MMP26: variants seen among roughly 807,000 people sequenced by gnomAD.
The protein encoded by MMP26 is matrix metallopeptidase 26, also known as matrix metalloproteinase-26.
A neutral mutation model predicts 31.0 loss-of-function variants in MMP26; 33 were observed. That is an observed-to-expected ratio of 1.06 (90% CI 0.81 to 1.42). The LOEUF (loss-of-function observed/expected upper bound fraction) is 1.42, where lower values mean the gene tolerates loss of function less well. Among genes scored for constraint, MMP26 ranks in the 40% most tolerant of loss-of-function variants. MMP26 has a pLI of 0.00. For missense variants in MMP26, 347 were observed against 316.1 expected, an observed-to-expected ratio of 1.10 and a Z score of -0.74; for synonymous variants, 122 against 114.9, an observed-to-expected ratio of 1.06 and a Z score of -0.40.
At chr11:4,811,431 C>T (rs1849348557) in intron 2 of MMP26, among the ~76,000 whole-genome samples, 1 of 152,176 alleles carries the variant, frequency 6.6e-6, no homozygotes, top group African/African-American at 2.4e-5. Flanking sequence ...GTTTAGCTTT[C>T]ACTTGTAAAT....
At chr11:4,907,900 A>C (rs751516807) in intron 2 of MMP26, 7 of 1,613,964 alleles carry the variant, frequency 4.3e-6, no homozygotes, top group Non-Finnish European at 5.9e-6. Context: ...TTTCTCACTC[A>C]TACTGTCTTC....
intron 2 of MMP26, among the ~76,000 whole-genome samples, chr11:4,895,400 T>C (rs1259341753): frequency 1.3e-5 from 2 of 152,184 alleles, no homozygotes; most frequent in East Asian, 3.8e-4. Flanking sequence ...GCTAGAATCC[T>C]GTTATCTATG....
chr11:4,740,923 T>A (rs1172763306), intron 1 of MMP26, among the ~76,000 whole-genome samples: 1 of 152,180 alleles, frequency 6.6e-6, no homozygotes, highest in Admixed American at 6.5e-5. Context: ...CTTGCCAAGA[T>A]GTATTGAAAG....
At chr11:4,845,424 C>T (rs762002266) in intron 2 of MMP26, among the ~76,000 whole-genome samples, 1 of 151,984 alleles carries the variant, frequency 6.6e-6, no homozygotes, top group African/African-American at 2.4e-5. Flanking sequence ...TTGTATGGAA[C>T]CATAAAATAA....
chr11:4,771,956 A>G (rs960284986), intron 2 of MMP26, among the ~76,000 whole-genome samples: 1 of 152,220 alleles, frequency 6.6e-6, no homozygotes, highest in African/African-American at 2.4e-5. Context: ...AAATATATCT[A>G]TCTCCCTTCT....
chr11:4,770,474 A>G (rs1256059053), intron 2 of MMP26, among the ~76,000 whole-genome samples: 1 of 152,218 alleles, frequency 6.6e-6, no homozygotes, highest in Non-Finnish European at 1.5e-5. Context: ...GAGAAAAACA[A>G]TGAGGACAGA....
intron 2 of MMP26, among the ~76,000 whole-genome samples, chr11:4,925,948 A>G (rs984831347): frequency 3.3e-5 from 5 of 152,142 alleles, no homozygotes; most frequent in East Asian, 1.9e-4. Context: ...AAAAGTTTAT[A>G]TTCTGTGCCA....
chr11:4,755,733 A>C (rs945165139), intron 1 of MMP26, among the ~76,000 whole-genome samples: 1 of 152,084 alleles, frequency 6.6e-6, no homozygotes, highest in Non-Finnish European at 1.5e-5. Flanking sequence ...TGGAAATTAT[A>C]CCAGAAACTG....
intron 1 of MMP26, among the ~76,000 whole-genome samples, chr11:4,740,648 A>G (rs1373215266): frequency 6.6e-6 from 1 of 150,720 alleles, no homozygotes; most frequent in Admixed American, 6.6e-5. Flanking sequence ...GCACCACTGC[A>G]CTCCAGCCTG....
At chr11:4,942,722 G>A (rs1201839115) in intron 2 of MMP26, 2 of 152,100 alleles carry the variant, frequency 1.3e-5, no homozygotes, top group African/African-American at 4.8e-5. Context: ...AACAAAAGGA[G>A]AAATTTTTCT....
chr11:4,819,024 G>A (rs931507900), intron 2 of MMP26, among the ~76,000 whole-genome samples: 4 of 152,048 alleles, frequency 2.6e-5, no homozygotes, highest in African/African-American at 7.2e-5. Flanking sequence ...GAGAATACAG[G>A]ATAACTCCTA....
At chr11:4,881,140 A>G (rs1265202476) in intron 2 of MMP26, among the ~76,000 whole-genome samples, 2 of 152,128 alleles carry the variant, frequency 1.3e-5, no homozygotes, top group African/African-American at 4.8e-5. Context: ...ACTTTGACCT[A>G]CCACTGGCTC....
In MMP26 at chr11:4,915,590, A is replaced by G. The variant is rs1478296993; in HGVS notation, c.-144-72478A>G. On this transcript the variant is annotated intron_variant, in intron 2 of 7. Transcript: ENST00000380390. ...GGAGATCCAGATGTGCATGCGCTCC[A>G]GCCCAGGGATGCCACTCAGCAGGAA... The G allele has an allele frequency of 1.9e-6, 3 of 1,614,000 alleles. No homozygotes were observed. The South Asian group carries it at 3.3e-5, about 18-fold the overall frequency.
At chr11:4,918,136 AAG>A (rs1220754695) in intron 2 of MMP26, among the ~76,000 whole-genome samples, 2 of 152,040 alleles carry the variant, frequency 1.3e-5, no homozygotes, top group Non-Finnish European at 2.9e-5. Context: ...CAAATGAGGA[AAG>A]AGAGGCTTAG....
At position 4,841,984 on chromosome 11, in the gene MMP26, A is replaced by G. The variant is rs372005544; in HGVS notation, c.-145+74643A>G. Among the ~76,000 whole-genome samples, 35 of 152,330 alleles carry G rather than the reference A, an allele frequency of 2.3e-4. No individual in the cohort carries two copies. The South Asian group carries it at 5.6e-3, about 24-fold the overall frequency. ...ACAGGACATTAATGAGCAATAAATAATCACTTTAAGGTAGTAATACAAAAG... is the reference window on the plus strand; with the variant it reads ...ACAGGACATTAATGAGCAATAAATAGTCACTTTAAGGTAGTAATACAAAAG... On this transcript the variant is annotated intron_variant, in intron 2 of 7. Coordinates refer to ENST00000380390, the MANE Select transcript of MMP26 (RefSeq NM_021801.5).
chr11:4,836,277 A>G (rs1202973180), intron 2 of MMP26, among the ~76,000 whole-genome samples: 1 of 152,018 alleles, frequency 6.6e-6, no homozygotes, highest in Non-Finnish European at 1.5e-5. Flanking sequence ...GCATACACCT[A>G]CACAACCTAC....
rs534199890 is a variant in MMP26 at position 4,806,718 on chromosome 11, T to C, written c.-145+39377T>C. ...GGGCTCAGACTTTATAAGTCTAGATTTAAACTGGAATCTTGACCATCCTGC... is the reference window on the plus strand; with the variant it reads ...GGGCTCAGACTTTATAAGTCTAGATCTAAACTGGAATCTTGACCATCCTGC... On this transcript the variant is annotated intron_variant, in intron 2 of 7. Transcript: ENST00000380390. Among the ~76,000 whole-genome samples the C allele has an allele frequency of 7.2e-5, 11 of 152,274 alleles. No individual in the cohort carries two copies. In the South Asian group the frequency reaches 1.9e-3, roughly 26 times the overall value.
At chr11:4,860,324 G>T in intron 2 of MMP26, 1 of 471,326 alleles carries the variant, frequency 2.1e-6, no homozygotes, top group South Asian at 1.5e-5. Flanking sequence ...AGCATGGAGG[G>T]CAAGGTGGAC....
chr11:4,984,148 G>A (rs535103332), intron 2 of MMP26, among the ~76,000 whole-genome samples: 27 of 152,248 alleles, frequency 1.8e-4, no homozygotes, highest in African/African-American at 3.1e-4. Flanking sequence ...AGAGAGGTGC[G>A]TGTCAAGATG....
Sources: allele counts gnomAD v4.1 joint callset (sites outside exome capture counted in the v4.1 genomes callset), GRCh38; gene constraint gnomAD v4.1.1; transcripts MANE v1.5; gene names NCBI Gene and HGNC (gene_info 2026-07-23, HGNC 2026-07-21).